Variants in SLX4 observed in about 807,000 individuals in gnomAD.
The protein encoded by SLX4 is SLX4 structure-specific endonuclease subunit.
Under a neutral mutation model 146.2 loss-of-function variants are expected in SLX4, and 112 were observed. The observed-to-expected ratio is 0.77, with a 90% CI of 0.66 to 0.90. The LOEUF is 0.90. Among genes scored for constraint, SLX4 ranks in the 40% least tolerant of loss-of-function variants. The pLI, the probability that SLX4 is intolerant of heterozygous loss-of-function variation, is 0.00. For missense variants in SLX4, 2,563 were observed against 2,392.7 expected, an observed-to-expected ratio of 1.07 and a Z score of -1.49; for synonymous variants, 1,061 against 997.7, an observed-to-expected ratio of 1.06 and a Z score of -1.20.
rs760421115 is a variant in SLX4, at chr16:3,590,431, G to C, written c.3207C>G (p.Gly1069=). ...PRSRGGTSQV[G]SPTLLSPAVP... is the part of the protein sequence containing the mutation. ...CAGCTGGAGACAGCAAGGTTGGGGA[G>C]CCCACCTGGGAAGTTCCGCCACGGG... The change falls in exon 12 of 15, where the codon GGC becomes GGG. Residue 1069 remains glycine, a synonymous_variant. Transcript: ENST00000294008. The surrounding 1 kb of genome is among the most constrained non-coding windows in gnomAD (Gnocchi z 4.8). The C allele has an allele frequency of 1.9e-6, 3 of 1,614,074 alleles. No individual in the cohort carries two copies. Among genetic ancestry groups the C allele is most frequent in the African/African-American group, 2.7e-5 (2 of 74,942 alleles).
Position 3,589,382 on chromosome 16 carries a change from G to A in SLX4, c.4256C>T (p.Pro1419Leu), listed in dbSNP as rs2040547906. 6.3e-7 allele frequency: 1 copy of A among 1,593,176 alleles called. No homozygotes were observed. The highest frequency in any genetic ancestry group is 8.6e-7 in the Non-Finnish European group (1 of 1,166,814). Residue 1419 changes from proline (P) to leucine (L), a missense_variant, in exon 12 of 15, where the codon CCC becomes CTC. Transcript: ENST00000294008. This position sits in a 1 kb window ranked among gnomAD's most constrained non-coding sequence, Gnocchi z 6.2. ...ANRSPPLDSD[P>L]PIPIDDCCWH... ...GCAGCAGTCGTCAATTGGAATTGGG[G>A]GGTCACTGTCCAGTGGGGGGCTTCT... is the stretch of plus-strand genomic sequence containing the variant.
At position 3,590,345 on chromosome 16, in the gene SLX4, T is replaced by C. The variant is rs757222314; in HGVS notation, c.3293A>G (p.Gln1098Arg). The change falls in exon 12 of 15, where the codon CAG becomes CGG. Residue 1098 changes from glutamine to arginine, a missense_variant. Transcript: ENST00000294008. The surrounding 1 kb of genome is among the most constrained non-coding windows in gnomAD (Gnocchi z 4.8). ...ILTLSKEPGH[Q>R]KGKERRSVLE... ...CACGGACCGACGCTCTTTGCCTTTC[T>C]GGTGCCCTGGCTCTTTAGACAGCGT... is the stretch of plus-strand genomic sequence containing the variant. 1.9e-6 allele frequency: 3 copies of C among 1,614,126 alleles called. No homozygotes were observed. The African/African-American group carries it at 4.0e-5, about 22-fold the overall frequency.
Position 3,582,310 on chromosome 16 carries a change from T to C in SLX4, c.*32A>G, listed in dbSNP as rs1338927224. On this transcript the variant is annotated 3_prime_UTR_variant, in exon 15 of 15. Coordinates refer to ENST00000294008, the MANE Select transcript of SLX4 (RefSeq NM_032444.4). Reference sequence around the variant, plus strand: ...AAATGGCGGGGGTGGGGGCTGCTGATGGCAGGTTGGGGTGGGGTCGGGATG... The same window carrying C: ...AAATGGCGGGGGTGGGGGCTGCTGACGGCAGGTTGGGGTGGGGTCGGGATG... The C allele has an allele frequency of 3.4e-6, 5 of 1,490,300 alleles. No individual in the cohort carries two copies. In the East Asian group the frequency reaches 1.1e-4, roughly 34 times the overall value. The allele number at this position is 1,490,300 out of a possible 1,614,324, so 92.3% of individuals were successfully genotyped here. A position where few individuals can be genotyped will look rare whatever the true frequency, so the allele number is the denominator to read the frequency against.
At chr16:3,606,800 C>G in intron 2 of SLX4, 102 bp from the exon 3 acceptor site, 1 of 1,276,896 alleles carries the variant, frequency 7.8e-7, no homozygotes, top group Non-Finnish European at 1.1e-6. Flanking sequence ...AGTCCTTTAT[C>G]AACTAGTTTA....
chr16:3,582,889 T>C (rs2040457050), intron 14 of SLX4, among the ~76,000 whole-genome samples, 196 bp from the exon 15 acceptor site: 1 of 152,118 alleles, frequency 6.6e-6, no homozygotes, highest in African/African-American at 2.4e-5. Flanking sequence ...CAGAAATGTC[T>C]AGCATGTGGG....
chr16:3,611,216 C>T (rs1368583757), intron 1 of SLX4, among the ~76,000 whole-genome samples: 1 of 152,228 alleles, frequency 6.6e-6, no homozygotes, highest in Non-Finnish European at 1.5e-5. Flanking sequence ...CGGCGACCTA[C>T]GGAAAGGGGC....
At chr16:3,592,415 G>A (rs1437887213) in intron 11 of SLX4, among the ~76,000 whole-genome samples, 2 of 152,174 alleles carry the variant, frequency 1.3e-5, no homozygotes, top group South Asian at 2.1e-4. Context: ...GTAGCCAAGG[G>A]CCATTCTCTT....
At position 3,584,839 on chromosome 16, in the gene SLX4, T is replaced by TG. The variant is rs752736478; in HGVS notation, c.4668dup (p.Lys1557GlnfsTer24). On this transcript the variant is annotated frameshift_variant, in exon 13 of 15. Transcript: ENST00000294008. LOFTEE classifies it high-confidence loss of function. ...TGTGGCATCGGCGTTATGGGCACTTTGGGGGGCAAGTTCTTCTTCCGATTA... is the reference window on the plus strand; with the variant it reads ...TGTGGCATCGGCGTTATGGGCACTTTGGGGGGGCAAGTTCTTCTTCCGATTA... 1 of 1,614,098 alleles carries TG rather than the reference T, an allele frequency of 6.2e-7. No individual in the cohort carries two copies. The highest frequency in any genetic ancestry group is 8.5e-7 in the Non-Finnish European group (1 of 1,179,950).
chr16:3,592,393 T>C (rs534411468), intron 11 of SLX4, among the ~76,000 whole-genome samples: 8 of 152,292 alleles, frequency 5.3e-5, no homozygotes, highest in African/African-American at 1.9e-4. Context: ...AGCAGCAGTG[T>C]TGGGGGGCGC....
At position 3,590,398 on chromosome 16, in the gene SLX4, T is replaced by G; in HGVS notation, c.3240A>C (p.Ser1080=). 6.2e-7 allele frequency: 1 copy of G among 1,614,200 alleles called. No homozygotes were observed. Among genetic ancestry groups the G allele is most frequent in the Non-Finnish European group, 8.5e-7 (1 of 1,180,026 alleles). ...GGATGCTCCTGTCCCTTTTCTGCTT[T>G]GATGGCACAGCTGGAGACAGCAAGG... The part of the protein sequence containing the change: ...SPTLLSPAVP[S]KQKRDRSILT... The change falls in exon 12 of 15, where the codon TCA becomes TCC. Residue 1080 remains serine (S), a synonymous_variant. Coordinates refer to ENST00000294008, the MANE Select transcript of SLX4 (RefSeq NM_032444.4). This position sits in a 1 kb window ranked among gnomAD's most constrained non-coding sequence, Gnocchi z 4.8.
intron 9 of SLX4, 57 bp downstream of exon 9, chr16:3,595,548 A>C: frequency 1.9e-6 from 3 of 1,596,726 alleles, no homozygotes; most frequent in Non-Finnish European, 2.6e-6. Context: ...ACCCCACCAC[A>C]CACATGGCAA....
At chr16:3,602,031 A>C (rs1195624589) in intron 4 of SLX4, 87 bp downstream of exon 4, 1 of 1,498,456 alleles carries the variant, frequency 6.7e-7, no homozygotes, top group Non-Finnish European at 9.3e-7. Flanking sequence ...TGTCATGGTA[A>C]GGTGTGGAGA....
intron 11 of SLX4, 129 bp downstream of exon 11, chr16:3,592,570 T>C: frequency 8.8e-7 from 1 of 1,133,048 alleles, no homozygotes; most frequent in South Asian, 1.3e-5. Flanking sequence ...GGACTTGGGA[T>C]TAAAAGGTAT....
rs1229102357 is a variant in SLX4, at chr16:3,590,463, G to A, written c.3175C>T (p.Pro1059Ser). Reference protein sequence around the residue: ...HHTSGSSLSTPRSRGGTSQVG... With the variant: ...HHTSGSSLSTSRSRGGTSQVG... ...TGGGAAGTTCCGCCACGGGACCGGGGTGTTGACAGGGACGACCCACTTGTG... is the reference window on the plus strand; with the variant it reads ...TGGGAAGTTCCGCCACGGGACCGGGATGTTGACAGGGACGACCCACTTGTG... The change falls in exon 12 of 15, where the codon CCC (proline) becomes TCC (serine). Residue 1059 changes from proline to serine, a missense_variant. Transcript: ENST00000294008. The surrounding 1 kb of genome is among the most constrained non-coding windows in gnomAD (Gnocchi z 4.8). 6.2e-7 allele frequency: 1 copy of A among 1,614,188 alleles called. No homozygotes were observed. The highest frequency in any genetic ancestry group is 1.1e-5 in the South Asian group (1 of 91,088).
chr16:3,603,791 C>T (rs924123045), intron 3 of SLX4, among the ~76,000 whole-genome samples: 32 of 152,242 alleles, frequency 2.1e-4, no homozygotes, highest in Non-Finnish European at 8.8e-5. Context: ...TGTCGCCACC[C>T]TGTCTCACCT....
Position 3,582,694 on chromosome 16 carries a change from C to T in SLX4, c.5154-1G>A, listed in dbSNP as rs761665399. On this transcript the variant is annotated splice_acceptor_variant, in intron 14 of 14. Coordinates refer to ENST00000294008, the MANE Select transcript of SLX4 (RefSeq NM_032444.4). LOFTEE classifies it high-confidence loss of function. ...CGCTCCAAACTCACAGGAGGAAGAACTGAAAAGAGCCAGACCAGGACGTTG... is the reference window on the plus strand; with the variant it reads ...CGCTCCAAACTCACAGGAGGAAGAATTGAAAAGAGCCAGACCAGGACGTTG... 3 of 1,610,678 alleles carry T rather than the reference C, an allele frequency of 1.9e-6. No individual in the cohort carries two copies. The highest frequency in any genetic ancestry group is 3.3e-5 in the Admixed American group (2 of 59,940).
chr16:3,586,637 C>A (rs1314583948), intron 12 of SLX4, among the ~76,000 whole-genome samples: 1 of 151,810 alleles, frequency 6.6e-6, no homozygotes, highest in Non-Finnish European at 1.5e-5. Flanking sequence ...ATGGTGAAAC[C>A]CCATCTGTAC....
rs767940346 is a variant in SLX4, at chr16:3,608,839, C to G, written c.126G>C (p.Gln42His). The G allele has an allele frequency of 1.2e-6, 2 of 1,614,180 alleles. No homozygotes were observed. Among genetic ancestry groups the G allele is most frequent in the South Asian group, 2.2e-5 (2 of 91,084 alleles). ...EDQPESLKTG[Q>H]MMDESDEDFK... ...AGTCCTCATCAGACTCATCCATCAT[C>G]TGACCAGTTTTAAGGCTTTCAGGCT... is the stretch of plus-strand genomic sequence containing the variant. The change falls in exon 2 of 15, where the codon CAG (glutamine) becomes CAC (histidine). Residue 42 changes from glutamine (Q) to histidine (H), a missense_variant. Gln to His is a conservative substitution (Grantham distance 24, BLOSUM62 0). Coordinates refer to ENST00000294008, the MANE Select transcript of SLX4 (RefSeq NM_032444.4).
At chr16:3,606,727 T>C in intron 2 of SLX4, 29 bp from the exon 3 acceptor site, 1 of 1,608,796 alleles carries the variant, frequency 6.2e-7, no homozygotes, top group Non-Finnish European at 8.5e-7. Context: ...TTCACAACCA[T>C]CTGTTGTAGC....
Sources: allele counts gnomAD v4.1 joint callset (sites outside exome capture counted in the v4.1 genomes callset), GRCh38; gene constraint gnomAD v4.1.1; non-coding constraint Gnocchi (gnomAD v3.1); transcripts MANE v1.5; gene names NCBI Gene and HGNC (gene_info 2026-07-23, HGNC 2026-07-21).